The following PTPN14 variants were observed in gnomAD, a reference collection of about 807,000 sequenced individuals.
The protein encoded by PTPN14 is protein tyrosine phosphatase non-receptor type 14, also known as tyrosine-protein phosphatase non-receptor type 14.
PTPN14 carries 53 observed loss-of-function variants against 126.8 expected under a neutral mutation model. The ratio of observed to expected loss-of-function variants is 0.42; its 90% confidence interval spans 0.34 to 0.53. The LOEUF (loss-of-function observed/expected upper bound fraction) is 0.53, where lower values mean the gene tolerates loss of function less well. PTPN14 is among the 20% of genes least tolerant of loss of function. The pLI is 0.08. For missense variants in PTPN14, 1,257 were observed against 1,552.9 expected (o/e 0.81, Z 3.20); for synonymous variants, 630 against 599.3 (o/e 1.05, Z -0.75).
chr1:214,377,983 G>A lies in PTPN14; in HGVS notation c.2664C>T (p.Ala888=). The A allele has an allele frequency of 6.2e-7, 1 of 1,613,248 alleles. No individual in the cohort carries two copies. Among genetic ancestry groups the A allele is most frequent in the Non-Finnish European group, 8.5e-7 (1 of 1,179,802 alleles). The change falls in exon 14 of 19, where the codon GCC becomes GCT. Residue 888 remains alanine, a synonymous_variant. Transcript: ENST00000366956. The part of the protein sequence containing the change: ...VSGREENRVD[A]TRVPMDERFR... ...CCCTCTCGTCCATGGGAACCCGGGT[G>A]GCATCAACTCGATTCTCTTCCCGCC...
At chr1:214,370,936 T>C (rs1192808638) in intron 16 of PTPN14, among the ~76,000 whole-genome samples, 1 of 152,220 alleles carries the variant, frequency 6.6e-6, no homozygotes, top group Non-Finnish European at 1.5e-5. Flanking sequence ...TTGCGGAATA[T>C]GTAAATTACC....
chr1:214,451,996 C>T (rs371789817), intron 2 of PTPN14, 22 bp from the exon 3 acceptor site: 1 of 1,604,498 alleles, frequency 6.2e-7, no homozygotes, highest in Non-Finnish European at 8.5e-7. Context: ...GGTAAAATAG[C>T]ATCAGTTCAT....
rs1348058772 is a variant in PTPN14 at position 214,404,205 on chromosome 1, G to A, written c.511-1252C>T. Among the ~76,000 whole-genome samples the A allele has an allele frequency of 4.6e-5, 7 of 152,102 alleles. 1 individual carries two copies. Among genetic ancestry groups the A allele is most frequent in the African/African-American group, 1.7e-4 (7 of 41,406 alleles). ...TGAAAAATCAATATATTTTAAAACT[G>A]GAAAGCACAGACATAAATGTATGCT... On this transcript the variant is annotated intron_variant, in intron 5 of 18. Transcript: ENST00000366956.
intron 16 of PTPN14, among the ~76,000 whole-genome samples, chr1:214,371,223 AC>A (rs1273295835): frequency 6.6e-6 from 1 of 151,898 alleles, no homozygotes; most frequent in East Asian, 1.9e-4. Flanking sequence ...TCTAAAGTAG[AC>A]CCCAGTCACT....
chr1:214,446,549 C>A lies in PTPN14; in HGVS notation c.344+5256G>T, dbSNP rs962010024. Reference sequence around the variant, plus strand: ...TTGATAATTTTAATAAAGCCAATCACTTTATTAAACAATTTGCAATCAATG... The same window carrying A: ...TTGATAATTTTAATAAAGCCAATCAATTTATTAAACAATTTGCAATCAATG... On this transcript the variant is annotated intron_variant, in intron 3 of 18. Coordinates refer to ENST00000366956, the MANE Select transcript of PTPN14 (RefSeq NM_005401.5). 8.5e-5 allele frequency among the ~76,000 whole-genome samples: 13 copies of A among 152,292 alleles called. No individual in the cohort carries two copies. The East Asian group carries it at 2.5e-3, about 29-fold the overall frequency.
chr1:214,509,277 AACTTGCTGCAGCTTCTACATCAGC>A (rs1254096211), intron 1 of PTPN14, among the ~76,000 whole-genome samples: 3 of 152,226 alleles, frequency 2.0e-5, no homozygotes, highest in Non-Finnish European at 2.9e-5. Flanking sequence ...TCTTCTGGAT[AACTTGCTGCAGCTTCTACATCAGC>A]ACTTGCTGCT....
rs1657726618 is a variant in PTPN14 at position 214,352,554 on chromosome 1, C to G, written c.*5368G>C. Reference sequence around the variant, plus strand: ...TGCTGTTACTTTCAACAGACGCCATCTGTAAGGTCCTTTGCCCCAAAATGT... The same window carrying G: ...TGCTGTTACTTTCAACAGACGCCATGTGTAAGGTCCTTTGCCCCAAAATGT... On this transcript the variant is annotated 3_prime_UTR_variant, in exon 19 of 19. Transcript: ENST00000366956. 1 of 152,190 alleles carries G rather than the reference C, an allele frequency of 6.6e-6. No homozygotes were observed. Among genetic ancestry groups the G allele is most frequent in the South Asian group, 2.1e-4 (1 of 4,824 alleles). 9.4% of individuals were successfully genotyped at this position (152,190 alleles called of 1,614,324 possible).
chr1:214,472,810 C>T (rs749944314), intron 1 of PTPN14, among the ~76,000 whole-genome samples: 112 of 152,304 alleles, frequency 7.4e-4, no homozygotes, highest in Admixed American at 4.6e-3. Flanking sequence ...AGCCCCTGAT[C>T]TGTCTTATAC....
intron 1 of PTPN14, among the ~76,000 whole-genome samples, chr1:214,506,005 G>C (rs1654834191): frequency 1.3e-5 from 2 of 152,188 alleles, no homozygotes; most frequent in Non-Finnish European, 2.9e-5. Flanking sequence ...CCCAGACACA[G>C]AGACAGAGAG....
At chr1:214,395,588 AACACACACACACACACACACACACACAC>A (rs57357032) in intron 8 of PTPN14, among the ~76,000 whole-genome samples, 2 of 132,472 alleles carry the variant, frequency 1.5e-5, no homozygotes, top group African/African-American at 5.7e-5. Flanking sequence ...GGGACCCAAC[AACACACACACACACACACACACACACAC>A]ACACACACAC....
At chr1:214,380,352 A>C (rs552095894) in intron 13 of PTPN14, among the ~76,000 whole-genome samples, 76 of 152,330 alleles carry the variant, frequency 5.0e-4, no homozygotes, top group Non-Finnish European at 9.3e-4. Context: ...TTACTCAGTG[A>C]TAAATCAAAG....
intron 1 of PTPN14, among the ~76,000 whole-genome samples, chr1:214,526,548 A>G (rs1293884341): frequency 6.6e-6 from 1 of 152,174 alleles, no homozygotes; most frequent in Admixed American, 6.5e-5. Context: ...AAAAATAGAA[A>G]AAGAGAGGTA....
At chr1:214,446,373 T>C (rs1272809488) in intron 3 of PTPN14, among the ~76,000 whole-genome samples, 1 of 152,226 alleles carries the variant, frequency 6.6e-6, no homozygotes, top group Non-Finnish European at 1.5e-5. Context: ...CCATTTCTTA[T>C]CCAACACAAT....
chr1:214,506,342 AT>A (rs201896847), intron 1 of PTPN14, among the ~76,000 whole-genome samples: 5 of 147,716 alleles, frequency 3.4e-5, no homozygotes, highest in Admixed American at 6.7e-5. Context: ...CGTCTCTTAA[AT>A]TTTTTTTTTT....
chr1:214,414,544 A>G (rs891370517), intron 4 of PTPN14, 85 bp downstream of exon 4: 39 of 1,231,146 alleles, frequency 3.2e-5, no homozygotes, highest in Middle Eastern at 1.9e-4. Flanking sequence ...ATTTAAGTAA[A>G]TCTAACTTCT....
chr1:214,526,767 G>A (rs187710777), intron 1 of PTPN14, among the ~76,000 whole-genome samples: 2 of 152,280 alleles, frequency 1.3e-5, no homozygotes, highest in African/African-American at 4.8e-5. Context: ...TAGAAAACCA[G>A]AGGAGAGGAA....
chr1:214,476,045 T>C (rs1660859790), intron 1 of PTPN14, among the ~76,000 whole-genome samples: 1 of 152,164 alleles, frequency 6.6e-6, no homozygotes. Context: ...ACAGCGGACA[T>C]TACTCAGACA....
chr1:214,376,039 T>C (rs1032499158), intron 15 of PTPN14, among the ~76,000 whole-genome samples, 180 bp downstream of exon 15: 1 of 152,158 alleles, frequency 6.6e-6, no homozygotes, highest in East Asian at 1.9e-4. Context: ...TCCTTCTCTC[T>C]GCAGTGATAG....
At chr1:214,524,883 T>C (rs1041826499) in intron 1 of PTPN14, among the ~76,000 whole-genome samples, 2 of 152,150 alleles carry the variant, frequency 1.3e-5, no homozygotes, top group African/African-American at 4.8e-5. Flanking sequence ...AGCCCAGAAT[T>C]TGAAACACCC....
Sources: allele counts gnomAD v4.1 joint callset (sites outside exome capture counted in the v4.1 genomes callset), GRCh38; gene constraint gnomAD v4.1.1; transcripts MANE v1.5; gene names NCBI Gene and HGNC (gene_info 2026-07-23, HGNC 2026-07-21).